Variants in MIF observed in about 807,000 individuals in gnomAD.
The protein encoded by MIF is macrophage migration inhibitory factor.
A neutral mutation model predicts 11.3 loss-of-function variants in MIF; 16 were observed. The ratio of observed to expected loss-of-function variants is 1.42; its 90% CI spans 0.96 to 2.16. MIF has a LOEUF of 2.16. Among genes scored for constraint, MIF ranks in the 30% most tolerant of loss-of-function variants. The probability of loss-of-function intolerance (pLI) is 0.00; values close to 1 mark genes in which losing one functional copy is unlikely to be tolerated. For synonymous variants in MIF, 83 were observed against 74.2 expected (o/e 1.12, Z -0.61); for missense variants, 229 against 165.3 (o/e 1.39, Z -2.11).
rs199714772 is a variant in MIF, at chr22:23,894,517, G to A, written c.43G>A (p.Val15Met). Residue 15 changes from valine to methionine, a missense_variant, in exon 1 of 3, where the codon GTG becomes ATG. Transcript: ENST00000215754. ...AAACACCAACGTGCCCCGCGCCTCCGTGCCGGACGGGTTCCTCTCCGAGCT... is the reference window on the plus strand; with the variant it reads ...AAACACCAACGTGCCCCGCGCCTCCATGCCGGACGGGTTCCTCTCCGAGCT... The part of the protein sequence containing the change: ...IVNTNVPRAS[V>M]PDGFLSELTQ... 2.5e-6 allele frequency: 4 copies of A among 1,613,242 alleles called. No individual in the cohort carries two copies. In the South Asian group the frequency reaches 3.3e-5, roughly 13 times the overall value.
chr22:23,894,793 C>G lies in MIF; in HGVS notation c.130C>G (p.Pro44Ala), dbSNP rs747064040. ...GCAGTACATCGCGGTGCACGTGGTC[C>G]CGGACCAGCTCATGGCCTTCGGCGG... ...PPQYIAVHVV[P>A]DQLMAFGGSS... The change falls in exon 2 of 3, where the codon CCG becomes GCG. Residue 44 changes from proline (P) to alanine (A), a missense_variant. Physicochemically the swap from Pro to Ala is conservative, Grantham distance 27. Coordinates refer to ENST00000215754, the MANE Select transcript of MIF (RefSeq NM_002415.2). The G allele has an allele frequency of 4.5e-6, 7 of 1,550,618 alleles. No homozygotes were observed. The African/African-American group carries it at 8.2e-5, about 18-fold the overall frequency.
chr22:23,895,153 C>G lies in MIF; in HGVS notation c.*47C>G, dbSNP rs546132934. On this transcript the variant is annotated 3_prime_UTR_variant, in exon 3 of 3. Transcript: ENST00000215754. Reference sequence around the variant, plus strand: ...TCTGCGCTGGCTCCACCCGGGAACCCGCCGCACGCTGTGTTCTAGGCCCGC... The same window carrying G: ...TCTGCGCTGGCTCCACCCGGGAACCGGCCGCACGCTGTGTTCTAGGCCCGC... The G allele has an allele frequency of 6.5e-7, 1 of 1,536,114 alleles. No homozygotes were observed. The highest frequency in any genetic ancestry group is 2.0e-5 in the Admixed American group (1 of 51,000).
At position 23,895,054 on chromosome 22, in the gene MIF, A is replaced by G. The variant is rs200286358; in HGVS notation, c.296A>G (p.Tyr99Cys). 4.2e-5 allele frequency: 65 copies of G among 1,557,224 alleles called. No homozygotes were observed. The Middle Eastern group carries it at 2.2e-3, about 53-fold the overall frequency. The change falls in exon 3 of 3, where the codon TAT becomes TGT. Residue 99 changes from tyrosine to cysteine, a missense_variant. Transcript: ENST00000215754. ...RISPDRVYINYYDMNAANVGW... is the reference protein window; with the variant it reads ...RISPDRVYINCYDMNAANVGW... ...TCCCCCCGCAGGGTCTACATCAACTATTACGACATGAACGCGGCCAATGTG... is the reference window on the plus strand; with the variant it reads ...TCCCCCCGCAGGGTCTACATCAACTGTTACGACATGAACGCGGCCAATGTG...
chr22:23,894,509 G>A lies in MIF; in HGVS notation c.35G>A (p.Arg12His), dbSNP rs1258781833. 1 of 1,613,264 alleles carries A rather than the reference G, an allele frequency of 6.2e-7. No individual in the cohort carries two copies. Among genetic ancestry groups the A allele is most frequent in the South Asian group, 1.1e-5 (1 of 91,086 alleles). ...PMFIVNTNVP[R>H]ASVPDGFLSE... Reference sequence around the variant, plus strand: ...TTCATCGTAAACACCAACGTGCCCCGCGCCTCCGTGCCGGACGGGTTCCTC... The same window carrying A: ...TTCATCGTAAACACCAACGTGCCCCACGCCTCCGTGCCGGACGGGTTCCTC... The change falls in exon 1 of 3, where the codon CGC becomes CAC. Residue 12 changes from arginine to histidine, a missense_variant. Arg to His is a conservative substitution (Grantham distance 29, BLOSUM62 0). Transcript: ENST00000215754.
chr22:23,895,095 A>G lies in MIF; in HGVS notation c.337A>G (p.Thr113Ala). Reference protein sequence around the residue: ...NAANVGWNNSTFA With the variant: ...NAANVGWNNSAFA ...GGCCAATGTGGGCTGGAACAACTCC[A>G]CCTTCGCCTAAGAGCCGCAGGGACC... The change falls in exon 3 of 3, where the codon ACC (threonine) becomes GCC (alanine). Residue 113 changes from threonine (T) to alanine (A), a missense_variant. Physicochemically the swap from Thr to Ala is moderately conservative, Grantham distance 58. Transcript: ENST00000215754. 6.4e-7 allele frequency: 1 copy of G among 1,556,102 alleles called. No homozygotes were observed. Among genetic ancestry groups the G allele is most frequent in the African/African-American group, 1.4e-5 (1 of 73,374 alleles).
chr22:23,894,818 G>A lies in MIF; in HGVS notation c.155G>A (p.Gly52Asp), dbSNP rs867239056. Residue 52 changes from glycine (G) to aspartate (D), a missense_variant, in exon 2 of 3, where the codon GGC becomes GAC. Physicochemically the swap from Gly to Asp is moderately conservative, Grantham distance 94. Transcript: ENST00000215754. ...CCGGACCAGCTCATGGCCTTCGGCG[G>A]CTCCAGCGAGCCGTGCGCGCTCTGC... The part of the protein sequence containing the change: ...VVPDQLMAFG[G>D]SSEPCALCSL... 3.9e-6 allele frequency: 6 copies of A among 1,556,092 alleles called. No homozygotes were observed. The highest frequency in any genetic ancestry group is 5.2e-6 in the Non-Finnish European group (6 of 1,155,998).
At position 23,895,216 on chromosome 22, in the gene MIF, A is replaced by C. The variant is rs199989428; in HGVS notation, c.*110A>C. On this transcript the variant is annotated 3_prime_UTR_variant, in exon 3 of 3. Transcript: ENST00000215754. ...TCTGGTGGGGAGAAATAAACGGTTT[A>C]GAGACTAGGAGTGCCTCGGGGTTCC... The C allele has an allele frequency of 1.7e-6, 2 of 1,172,722 alleles. No individual in the cohort carries two copies. The highest frequency in any genetic ancestry group is 2.5e-6 in the Non-Finnish European group (2 of 801,546). 72.6% of individuals were successfully genotyped at this position (1,172,722 alleles called of 1,614,324 possible). A position where few individuals can be genotyped will look rare whatever the true frequency, so the allele number is the denominator to read the frequency against.
chr22:23,895,187 A>C lies in MIF; in HGVS notation c.*81A>C, dbSNP rs762632802. Reference sequence around the variant, plus strand: ...CTGTGTTCTAGGCCCGCCCACCCCAACCTTCTGGTGGGGAGAAATAAACGG... The same window carrying C: ...CTGTGTTCTAGGCCCGCCCACCCCACCCTTCTGGTGGGGAGAAATAAACGG... On this transcript the variant is annotated 3_prime_UTR_variant, in exon 3 of 3. Coordinates refer to ENST00000215754, the MANE Select transcript of MIF (RefSeq NM_002415.2). 8 of 1,356,356 alleles carry C rather than the reference A, an allele frequency of 5.9e-6. No homozygotes were observed. Among genetic ancestry groups the C allele is most frequent in the Non-Finnish European group, 8.3e-6 (8 of 969,310 alleles). The allele number at this position is 1,356,356 out of a possible 1,614,324, so 84.0% of individuals were successfully genotyped here.
chr22:23,894,435 G>C lies in MIF; in HGVS notation c.-40G>C, dbSNP rs754446348. ...GCTCAGCGGCGGCCGCGGCGCGTGC[G>C]TCTGTGCCTCTGCGCGGGTCTCCTG... On this transcript the variant is annotated 5_prime_UTR_variant, in exon 1 of 3. Coordinates refer to ENST00000215754, the MANE Select transcript of MIF (RefSeq NM_002415.2). 1 of 1,530,420 alleles carries C rather than the reference G, an allele frequency of 6.5e-7. No individual in the cohort carries two copies. The highest frequency in any genetic ancestry group is 1.1e-5 in the South Asian group (1 of 89,218). 94.8% of individuals were successfully genotyped at this position (1,530,420 alleles called of 1,614,324 possible).
rs201631604 is a variant in MIF at position 23,894,574 on chromosome 22, C to A, written c.100C>A (p.Pro34Thr). Residue 34 changes from proline to threonine, a missense_variant, in exon 1 of 3, where the codon CCC becomes ACC. By Grantham distance (38) the Pro-to-Thr change is conservative. Coordinates refer to ENST00000215754, the MANE Select transcript of MIF (RefSeq NM_002415.2). ...GCAGCTGGCGCAGGCCACCGGCAAG[C>A]CCCCCCAGGTTTGCCGGGAGGGGAC... Reference protein sequence around the residue: ...TQQLAQATGKPPQYIAVHVVP... With the variant: ...TQQLAQATGKTPQYIAVHVVP... 6.7e-5 allele frequency: 108 copies of A among 1,611,698 alleles called. No homozygotes were observed. The highest frequency in any genetic ancestry group is 8.7e-5 in the Non-Finnish European group (102 of 1,178,870).
Position 23,895,099 on chromosome 22 carries a change from TCGCCTAAGAGC to T in MIF, c.345_*7del, listed in dbSNP as rs2033135316. On this transcript the variant is annotated stop_lost and 3_prime_UTR_variant, in exon 3 of 3. Coordinates refer to ENST00000215754, the MANE Select transcript of MIF (RefSeq NM_002415.2). ...AATGTGGGCTGGAACAACTCCACCTTCGCCTAAGAGCCGCAGGGACCCACGCTGTCTGCGCT... is the reference window on the plus strand; with the variant it reads ...AATGTGGGCTGGAACAACTCCACCTTCGCAGGGACCCACGCTGTCTGCGCT... 1 of 1,555,970 alleles carries T rather than the reference TCGCCTAAGAGC, an allele frequency of 6.4e-7. No individual in the cohort carries two copies. The highest frequency in any genetic ancestry group is 1.4e-5 in the African/African-American group (1 of 73,310).
rs746135437 is a variant in MIF, at chr22:23,894,442, CCTCTGCGCGGGT to C, written c.-29_-18del. 63 of 1,560,966 alleles carry C rather than the reference CCTCTGCGCGGGT, an allele frequency of 4.0e-5. No individual in the cohort carries two copies. The Admixed American group carries it at 1.1e-3, about 26-fold the overall frequency. On this transcript the variant is annotated 5_prime_UTR_variant, in exon 1 of 3. Coordinates refer to ENST00000215754, the MANE Select transcript of MIF (RefSeq NM_002415.2). ...GGCGGCCGCGGCGCGTGCGTCTGTG[CCTCTGCGCGGGT>C]CTCCTGGTCCTTCTGCCATCATGCC... is the stretch of plus-strand genomic sequence containing the variant.
Position 23,894,488 on chromosome 22 carries a change from T to C in MIF, c.14T>C (p.Ile5Thr), listed in dbSNP as rs2033115037. The change falls in exon 1 of 3, where the codon ATC becomes ACC. Residue 5 changes from isoleucine to threonine, a missense_variant. Ile to Thr is a moderately conservative substitution (Grantham distance 89, BLOSUM62 -1). Coordinates refer to ENST00000215754, the MANE Select transcript of MIF (RefSeq NM_002415.2). ...CCTTCTGCCATCATGCCGATGTTCA[T>C]CGTAAACACCAACGTGCCCCGCGCC... MPMF[I>T]VNTNVPRASV... The C allele has an allele frequency of 1.2e-6, 2 of 1,613,008 alleles. No homozygotes were observed. Among genetic ancestry groups the C allele is most frequent in the African/African-American group, 1.3e-5 (1 of 74,908 alleles).
chr22:23,895,078 T>A lies in MIF; in HGVS notation c.320T>A (p.Val107Glu), dbSNP rs924744375. The A allele has an allele frequency of 1.6e-5, 25 of 1,559,428 alleles. No homozygotes were observed. Among genetic ancestry groups the A allele is most frequent in the Non-Finnish European group, 2.2e-5 (25 of 1,151,340 alleles). The change falls in exon 3 of 3, where the codon GTG becomes GAG. Residue 107 changes from valine to glutamate, a missense_variant. By Grantham distance (121) the Val-to-Glu change is moderately radical. Coordinates refer to ENST00000215754, the MANE Select transcript of MIF (RefSeq NM_002415.2). Reference protein sequence around the residue: ...INYYDMNAANVGWNNSTFA With the variant: ...INYYDMNAANEGWNNSTFA Reference sequence around the variant, plus strand: ...TATTACGACATGAACGCGGCCAATGTGGGCTGGAACAACTCCACCTTCGCC... The same window carrying A: ...TATTACGACATGAACGCGGCCAATGAGGGCTGGAACAACTCCACCTTCGCC...
chr22:23,894,462 T>A lies in MIF; in HGVS notation c.-13T>A. The A allele has an allele frequency of 1.9e-6, 3 of 1,610,000 alleles. No homozygotes were observed. In the South Asian group the frequency reaches 3.3e-5, roughly 18 times the overall value. ...CTGTGCCTCTGCGCGGGTCTCCTGG[T>A]CCTTCTGCCATCATGCCGATGTTCA... On this transcript the variant is annotated 5_prime_UTR_variant, in exon 1 of 3. Coordinates refer to ENST00000215754, the MANE Select transcript of MIF (RefSeq NM_002415.2).
In MIF at chr22:23,894,891, C is replaced by CA; in HGVS notation, c.229dup (p.Ser77LysfsTer?). On this transcript the variant is annotated frameshift_variant, in exon 2 of 3. Coordinates refer to ENST00000215754, the MANE Select transcript of MIF (RefSeq NM_002415.2). LOFTEE classifies it high-confidence loss of function. Reference sequence around the variant, plus strand: ...TCGGCGGCGCGCAGAACCGCTCCTACAGCAAGCTGCTGTGCGGCCTGCTGG... The same window carrying CA: ...TCGGCGGCGCGCAGAACCGCTCCTACAAGCAAGCTGCTGTGCGGCCTGCTGG... 6.4e-7 allele frequency: 1 copy of CA among 1,554,120 alleles called. No homozygotes were observed. The highest frequency in any genetic ancestry group is 8.7e-7 in the Non-Finnish European group (1 of 1,151,232).
At chr22:23,894,711 A>G (rs2033122782) in intron 1 of MIF, 61 bp from the exon 2 acceptor site, 6 of 1,479,298 alleles carry the variant, frequency 4.1e-6, no homozygotes, top group African/African-American at 2.8e-5. Context: ...TCGGGCCCGA[A>G]GTGGACGTTC....
In MIF at chr22:23,894,780, G is replaced by A. The variant is rs753720782; in HGVS notation, c.117G>A (p.Ala39=). The A allele has an allele frequency of 2.6e-6, 4 of 1,538,974 alleles. No homozygotes were observed. Among genetic ancestry groups the A allele is most frequent in the Non-Finnish European group, 2.6e-6 (3 of 1,145,226 alleles). ...GCGCCCTTTCCTCGCAGTACATCGC[G>A]GTGCACGTGGTCCCGGACCAGCTCA... The part of the protein sequence containing the change: ...QATGKPPQYI[A]VHVVPDQLMA... The change falls in exon 2 of 3, where the codon GCG becomes GCA. Residue 39 remains alanine (A), a synonymous_variant. Transcript: ENST00000215754.
chr22:23,895,130 T>C lies in MIF; in HGVS notation c.*24T>C. ...AAGAGCCGCAGGGACCCACGCTGTC[T>C]GCGCTGGCTCCACCCGGGAACCCGC... is the stretch of plus-strand genomic sequence containing the variant. On this transcript the variant is annotated 3_prime_UTR_variant, in exon 3 of 3. Coordinates refer to ENST00000215754, the MANE Select transcript of MIF (RefSeq NM_002415.2). 1 of 1,551,540 alleles carries C rather than the reference T, an allele frequency of 6.4e-7. No individual in the cohort carries two copies. Among genetic ancestry groups the C allele is most frequent in the Non-Finnish European group, 8.7e-7 (1 of 1,146,848 alleles).
Sources: allele counts gnomAD v4.1 joint callset, GRCh38; gene constraint gnomAD v4.1.1; transcripts MANE v1.5; gene names NCBI Gene and HGNC (gene_info 2026-07-23, HGNC 2026-07-21).